Variants in CDKL1 observed in about 807,000 individuals in gnomAD.
CDKL1 encodes the protein cyclin dependent kinase like 1.
A neutral mutation model predicts 42.0 loss-of-function variants in CDKL1; 41 were observed. That is an observed-to-expected ratio of 0.98 (90% confidence interval 0.76 to 1.27). The LOEUF is 1.27. Among genes scored for constraint, CDKL1 ranks in the 50% most tolerant of loss-of-function variants. The pLI is 0.00. For synonymous variants in CDKL1, 153 were observed against 158.6 expected, an observed-to-expected ratio of 0.96 and a Z score of 0.26; for missense variants, 394 against 428.4, an observed-to-expected ratio of 0.92 and a Z score of 0.71.
At chr14:50,366,084 C>T (rs1390972434) in intron 2 of CDKL1, among the ~76,000 whole-genome samples, 2 of 152,180 alleles carry the variant, frequency 1.3e-5, no homozygotes, top group Non-Finnish European at 2.9e-5. Flanking sequence ...TCCTAATAAG[C>T]TCCCCTTCAT....
intron 2 of CDKL1, among the ~76,000 whole-genome samples, chr14:50,378,632 C>T (rs529800492): frequency 1.3e-5 from 2 of 151,360 alleles, no homozygotes; most frequent in African/African-American, 4.9e-5. Context: ...CTCCTAGGCT[C>T]AAGTGAGCCT....
chr14:50,388,881 T>G lies in CDKL1; in HGVS notation c.168+6820A>C, dbSNP rs111681210. Among the ~76,000 whole-genome samples, 816 of 151,908 alleles carry G rather than the reference T, an allele frequency of 5.4e-3. 8 individuals are homozygous for G. The highest frequency in any genetic ancestry group is 0.019 in the African/African-American group (776 of 41,428). ...TAGGGAGGCCGAGGGAGGCGGATCATGAGATCAGGAGTTTGAGACCAGCCC... is the reference window on the plus strand; with the variant it reads ...TAGGGAGGCCGAGGGAGGCGGATCAGGAGATCAGGAGTTTGAGACCAGCCC... On this transcript the variant is annotated intron_variant, in intron 2 of 9. Coordinates refer to ENST00000395834, the MANE Select transcript of CDKL1 (RefSeq NM_004196.7).
At chr14:50,338,017 T>A (rs2139385330) in intron 7 of CDKL1, among the ~76,000 whole-genome samples, 1 of 152,222 alleles carries the variant, frequency 6.6e-6, no homozygotes, top group South Asian at 2.1e-4. Context: ...CCCCTACTGA[T>A]GGAATACTAA....
chr14:50,361,345 T>G (rs1233918932), intron 2 of CDKL1, among the ~76,000 whole-genome samples: 4 of 152,216 alleles, frequency 2.6e-5, no homozygotes, highest in Non-Finnish European at 5.9e-5. Flanking sequence ...GCTCCAGATA[T>G]TATACTTGAT....
intron 2 of CDKL1, among the ~76,000 whole-genome samples, chr14:50,384,798 G>C (rs1266473976): frequency 6.6e-6 from 1 of 151,752 alleles, no homozygotes. Context: ...GGCTATGGCG[G>C]CTCGGTTCAC....
intron 4 of CDKL1, among the ~76,000 whole-genome samples, chr14:50,344,468 G>GTTTTT (rs138592023): frequency 7.6e-6 from 1 of 130,880 alleles, no homozygotes. Context: ...GTTCTTTGTG[G>GTTTTT]TTTTTTTTTT....
intron 2 of CDKL1, among the ~76,000 whole-genome samples, chr14:50,387,523 CAA>C (rs10543388): frequency 0.41 from 61,010 of 147,330 alleles, 12,566 homozygotes; most frequent in East Asian, 0.63. Context: ...GACTCCATCT[CAA>C]AAAAAAAAAA....
intron 3 of CDKL1, among the ~76,000 whole-genome samples, chr14:50,358,502 C>T (rs145426163): frequency 1.1e-4 from 17 of 151,352 alleles, no homozygotes; most frequent in African/African-American, 3.9e-4. Flanking sequence ...CAAGTTCAAT[C>T]TAATGATGCT....
intron 2 of CDKL1, among the ~76,000 whole-genome samples, chr14:50,392,807 T>C (rs975970189): frequency 1.3e-5 from 2 of 152,146 alleles, no homozygotes; most frequent in African/African-American, 4.8e-5. Flanking sequence ...GAGCTCTTCA[T>C]CTCCTTTCCC....
chr14:50,389,805 T>A (rs1212035807), intron 2 of CDKL1, among the ~76,000 whole-genome samples: 1 of 152,138 alleles, frequency 6.6e-6, no homozygotes, highest in African/African-American at 2.4e-5. Flanking sequence ...GCAGTATAAA[T>A]TCTGACGACC....
chr14:50,393,934 C>T (rs1011620004), intron 2 of CDKL1, among the ~76,000 whole-genome samples: 1 of 151,962 alleles, frequency 6.6e-6, no homozygotes, highest in Non-Finnish European at 1.5e-5. Context: ...ACTTTTTTTT[C>T]CAATCCAACA....
intron 2 of CDKL1, chr14:50,363,063 A>C (rs1566594265): frequency 2.5e-6 from 1 of 407,604 alleles, no homozygotes; most frequent in East Asian, 7.7e-5. Context: ...AACTCCAAAC[A>C]CACTGCCTTA....
upstream of CDKL1, chr14:50,396,891 T>TGGCTC (rs1409768311): frequency 4.2e-6 from 1 of 237,990 alleles, no homozygotes; most frequent in African/African-American, 2.4e-5. Context: ...CGGCTCGGCG[T>TGGCTC]GGCTCGGCCC....
chr14:50,363,178 A>C lies in CDKL1; in HGVS notation c.169-4029T>G, dbSNP rs2034331163. The C allele has an allele frequency of 1.3e-5, 3 of 224,716 alleles. No homozygotes were observed. The South Asian group carries it at 1.6e-4, about 12-fold the overall frequency. The allele number at this position is 224,716 out of a possible 1,614,324, so 13.9% of individuals were successfully genotyped here. A position where few individuals can be genotyped will look rare whatever the true frequency, so the allele number is the denominator to read the frequency against. ...CTCAACACATCCGAACATCAGAAGG[A>C]ACAAACTCCGGACACGCCGCCTTTA... On this transcript the variant is annotated intron_variant, in intron 2 of 9. Coordinates refer to ENST00000395834, the MANE Select transcript of CDKL1 (RefSeq NM_004196.7).
rs138231559 is a variant in CDKL1, at chr14:50,364,894, TAAAGC to T, written c.169-5750_169-5746del. On this transcript the variant is annotated intron_variant, in intron 2 of 9. Transcript: ENST00000395834. ...TTAGCCCTAAGGATATAGAGACAAA[TAAAGC>T]AAGTACTGCCCCTACCGGCCTGGAG... Among the ~76,000 whole-genome samples, 661 of 152,262 alleles carry T rather than the reference TAAAGC, an allele frequency of 4.3e-3. 3 individuals are homozygous for T. The highest frequency in any genetic ancestry group is 0.018 in the South Asian group (87 of 4,818).
chr14:50,392,452 A>AAATAATAATAATAAT (rs56882058), intron 2 of CDKL1, among the ~76,000 whole-genome samples: 6 of 134,492 alleles, frequency 4.5e-5, no homozygotes, highest in East Asian at 2.1e-4. Flanking sequence ...TCCAAAAAAG[A>AAATAATAATAATAAT]AATAATAATA....
chr14:50,361,224 G>A (rs1204421618), intron 2 of CDKL1, among the ~76,000 whole-genome samples: 1 of 152,178 alleles, frequency 6.6e-6, no homozygotes, highest in Non-Finnish European at 1.5e-5. Flanking sequence ...ATTTGTATGG[G>A]CAGTGACAAA....
At chr14:50,363,357 C>T (rs1371879122) in intron 2 of CDKL1, 2 of 162,752 alleles carry the variant, frequency 1.2e-5, no homozygotes, top group East Asian at 3.5e-4. Flanking sequence ...AAACCCTTAG[C>T]CTGAACTAAC....
At position 50,327,052 on chromosome 14, in the gene CDKL1, A is replaced by C. The variant is rs1217994279; in HGVS notation, c.*3022T>G. On this transcript the variant is annotated 3_prime_UTR_variant, in exon 10 of 10. Coordinates refer to ENST00000395834, the MANE Select transcript of CDKL1 (RefSeq NM_004196.7). Reference sequence around the variant, plus strand: ...GTGAAAGGGGGAGACCCTGTCTCTTAAAAAAAAGGGCTGGCCTGTAATCCC... The same window carrying C: ...GTGAAAGGGGGAGACCCTGTCTCTTCAAAAAAAGGGCTGGCCTGTAATCCC... 1.3e-5 allele frequency: 2 copies of C among 151,664 alleles called. No individual in the cohort carries two copies. The highest frequency in any genetic ancestry group is 6.6e-5 in the Admixed American group (1 of 15,206). 9.4% of individuals were successfully genotyped at this position (151,664 alleles called of 1,614,324 possible). A position where few individuals can be genotyped will look rare whatever the true frequency, so the allele number is the denominator to read the frequency against.
Sources: allele counts gnomAD v4.1 joint callset (sites outside exome capture counted in the v4.1 genomes callset), GRCh38; gene constraint gnomAD v4.1.1; transcripts MANE v1.5; gene names NCBI Gene and HGNC (gene_info 2026-07-23, HGNC 2026-07-21).